Variants in ENPP6 observed in about 807,000 individuals in gnomAD.
ENPP6 encodes the protein glycerophosphocholine cholinephosphodiesterase ENPP6.
ENPP6 carries 32 observed loss-of-function variants against 42.0 expected under a neutral mutation model. The observed-to-expected ratio is 0.76, with a 90% CI of 0.58 to 1.02. The LOEUF (loss-of-function observed/expected upper bound fraction) is 1.02. Ranked by LOEUF, ENPP6 falls within the 50% of genes least tolerant of loss-of-function variation. The pLI, the probability that ENPP6 is intolerant of heterozygous loss-of-function variation, is 0.00. For missense variants in ENPP6, 552 were observed against 566.8 expected, an observed-to-expected ratio of 0.97 and a Z score of 0.27; for synonymous variants, 213 against 216.0, an observed-to-expected ratio of 0.99 and a Z score of 0.12.
chr4:184,145,277 T>C (rs1736899113), intron 2 of ENPP6, among the ~76,000 whole-genome samples: 1 of 152,102 alleles, frequency 6.6e-6, no homozygotes, highest in Non-Finnish European at 1.5e-5. Flanking sequence ...CTCCTTCCTT[T>C]GCCTTGCTGC....
intron 3 of ENPP6, among the ~76,000 whole-genome samples, chr4:184,118,541 G>C (rs1449542381): frequency 6.6e-6 from 1 of 152,190 alleles, no homozygotes; most frequent in Non-Finnish European, 1.5e-5. Flanking sequence ...GTCAACCCCA[G>C]ATGCTGGGAA....
chr4:184,151,980 G>A (rs1213145964), intron 2 of ENPP6, among the ~76,000 whole-genome samples: 6 of 152,198 alleles, frequency 3.9e-5, no homozygotes, highest in Non-Finnish European at 7.3e-5. Flanking sequence ...GTCAGCCGAG[G>A]TGGCTGCTAT....
At chr4:184,192,220 A>C (rs548263529) in intron 1 of ENPP6, among the ~76,000 whole-genome samples, 1 of 152,364 alleles carries the variant, frequency 6.6e-6, no homozygotes, top group East Asian at 1.9e-4. Context: ...ACTGATTTTG[A>C]AACTTTCTAC....
intron 2 of ENPP6, among the ~76,000 whole-genome samples, chr4:184,132,747 TAGTC>T (rs1034201392): frequency 5.9e-5 from 9 of 151,552 alleles, no homozygotes; most frequent in Admixed American, 2.0e-4. Flanking sequence ...TGGTATTAGA[TAGTC>T]AGAAGATGTA....
intron 1 of ENPP6, among the ~76,000 whole-genome samples, chr4:184,201,494 G>A (rs1197658553): frequency 6.6e-6 from 1 of 152,144 alleles, no homozygotes; most frequent in African/African-American, 2.4e-5. Flanking sequence ...CGCCTTTGCT[G>A]TTATTACAAT....
chr4:184,103,655 A>G (rs990593795), intron 6 of ENPP6, among the ~76,000 whole-genome samples: 6 of 152,186 alleles, frequency 3.9e-5, no homozygotes, highest in Non-Finnish European at 7.3e-5. Context: ...ACGCTTTCTC[A>G]TATTTTGTGG....
At chr4:184,115,982 G>A (rs559354177) in intron 5 of ENPP6, among the ~76,000 whole-genome samples, 3 of 152,210 alleles carry the variant, frequency 2.0e-5, no homozygotes, top group East Asian at 1.9e-4. Flanking sequence ...TTGGGAGGCC[G>A]AGGCAGGTGG....
At chr4:184,113,951 C>G (rs1008847977) in intron 5 of ENPP6, among the ~76,000 whole-genome samples, 1 of 129,862 alleles carries the variant, frequency 7.7e-6, no homozygotes, top group Non-Finnish European at 1.7e-5. Flanking sequence ...TTCTTTCTTT[C>G]TTTCTTTCTT....
intron 2 of ENPP6, among the ~76,000 whole-genome samples, chr4:184,133,929 A>G (rs1313674636): frequency 1.4e-5 from 2 of 147,988 alleles, no homozygotes; most frequent in African/African-American, 5.0e-5. Flanking sequence ...GTGATTTTTC[A>G]ATGTTAAACC....
At chr4:184,104,694 T>C (rs1736057632) in intron 6 of ENPP6, among the ~76,000 whole-genome samples, 1 of 152,254 alleles carries the variant, frequency 6.6e-6, no homozygotes, top group Non-Finnish European at 1.5e-5. Context: ...CTCTGTTTAC[T>C]TGGTGACTGG....
At chr4:184,123,615 T>G (rs1218807414) in intron 3 of ENPP6, among the ~76,000 whole-genome samples, 1 of 152,178 alleles carries the variant, frequency 6.6e-6, no homozygotes, top group Admixed American at 6.5e-5. Context: ...TCTTGATCAG[T>G]GTCCTTGACA....
intron 1 of ENPP6, among the ~76,000 whole-genome samples, chr4:184,215,185 G>A (rs1247618355): frequency 6.6e-6 from 1 of 152,104 alleles, no homozygotes; most frequent in Non-Finnish European, 1.5e-5. Flanking sequence ...TTATGCAAAG[G>A]GAAGAACACC....
chr4:184,141,117 G>A (rs1207366327), intron 2 of ENPP6, among the ~76,000 whole-genome samples: 8 of 152,166 alleles, frequency 5.3e-5, no homozygotes, highest in South Asian at 4.1e-4. Flanking sequence ...ACATTTAACC[G>A]AGGTGAATTT....
rs1440394841 is a variant in ENPP6, at chr4:184,212,245, T to C, written c.241+5334A>G. On this transcript the variant is annotated intron_variant, in intron 1 of 7. Transcript: ENST00000296741. ...TGTTGGAAGTTCTGGCCAGGGCAAT[T>C]AGGCAGGAGAAGGAAATAAAGGGTA... is the stretch of plus-strand genomic sequence containing the variant. 7.9e-5 allele frequency among the ~76,000 whole-genome samples: 12 copies of C among 151,450 alleles called. 1 individual carries two copies. The highest frequency in any genetic ancestry group is 2.7e-4 in the African/African-American group (11 of 40,948).
intron 7 of ENPP6, among the ~76,000 whole-genome samples, chr4:184,096,647 C>T (rs1422150282): frequency 6.6e-6 from 1 of 152,146 alleles, no homozygotes; most frequent in Admixed American, 6.5e-5. Context: ...TCTCCTCCAG[C>T]CCTAGGAATT....
At position 184,097,280 on chromosome 4, in the gene ENPP6, A is replaced by C; in HGVS notation, c.1082T>G (p.Met361Arg). Reference protein sequence around the residue: ...RGWHGYDNELMDMRGIFLAFG... With the variant: ...RGWHGYDNELRDMRGIFLAFG... ...GGCCAGGAAGATGCCCCGCATGTCC[A>C]TGAGCTCGTTGTCGTAGCCGTGCCA... The change falls in exon 7 of 8, where the codon ATG becomes AGG. Residue 361 changes from methionine (M) to arginine (R), a missense_variant. Met to Arg is a moderately conservative substitution (Grantham distance 91). Around this residue, in one of 2 missense-constraint regions of ENPP6, gnomAD observed 545 missense variants for 546.3 expected, o/e 1.00. Coordinates refer to ENST00000296741, the MANE Select transcript of ENPP6 (RefSeq NM_153343.4). 6.2e-7 allele frequency: 1 copy of C among 1,614,214 alleles called. No individual in the cohort carries two copies. The highest frequency in any genetic ancestry group is 1.1e-5 in the South Asian group (1 of 91,080).
intron 2 of ENPP6, among the ~76,000 whole-genome samples, chr4:184,131,195 T>G (rs1175209356): frequency 6.4e-4 from 42 of 65,554 alleles, no homozygotes; most frequent in African/African-American, 2.6e-3. Context: ...CTTTCTTTCT[T>G]TCTTTCTTCT....
Position 184,193,926 on chromosome 4 carries a change from A to G in ENPP6, c.241+23653T>C, listed in dbSNP as rs1043589821. Among the ~76,000 whole-genome samples, 11 of 152,190 alleles carry G rather than the reference A, an allele frequency of 7.2e-5. No individual in the cohort carries two copies. The East Asian group carries it at 1.9e-3, about 27-fold the overall frequency. On this transcript the variant is annotated intron_variant, in intron 1 of 7. Transcript: ENST00000296741. ...TTAATTGTTCAGTTTGATGCTACTG[A>G]CTTTCTTCTATTAGAAGCTTTGCCT...
chr4:184,217,452 T>A, intron 1 of ENPP6, 127 bp downstream of exon 1: 1 of 1,311,594 alleles, frequency 7.6e-7, no homozygotes, highest in Non-Finnish European at 1.0e-6. Flanking sequence ...TTTTTTTATC[T>A]ACCTTTGATG....
Sources: gnomAD v4.1 joint callset for allele counts (sites outside exome capture counted in the v4.1 genomes callset) on GRCh38, gnomAD v4.1.1 for gene constraint, gnomAD v4.1.1 regional missense constraint, MANE v1.5 for transcripts, NCBI Gene and HGNC (gene_info 2026-07-23, HGNC 2026-07-21) for gene names.